The following GIPR variants were observed in gnomAD, a reference collection of about 807,000 sequenced individuals.
GIPR encodes the protein gastric inhibitory polypeptide receptor, also known as GIP-R.
Under a neutral mutation model 62.2 loss-of-function variants are expected in GIPR, and 74 were observed. The ratio of observed to expected loss-of-function variants is 1.19; its 90% CI spans 0.99 to 1.44. The LOEUF (loss-of-function observed/expected upper bound fraction) is 1.44, where lower values mean the gene tolerates loss of function less well. Among genes scored for constraint, GIPR ranks in the 40% most tolerant of loss-of-function variants. The probability of loss-of-function intolerance (pLI) is 0.00; values close to 1 mark genes in which losing one functional copy is unlikely to be tolerated. For missense variants in GIPR, 664 were observed against 611.8 expected (o/e 1.09, Z -0.90); for synonymous variants, 256 against 262.2 (o/e 0.98, Z 0.23).
At position 45,670,753 on chromosome 19, in the gene GIPR, G is replaced by A. The variant is rs1458501159; in HGVS notation, c.172+19G>A. On this transcript the variant is annotated intron_variant, in intron 3 of 13. Transcript: ENST00000590918. Reference sequence around the variant, plus strand: ...CCTTCAGGTGTGACCAGGAGGGCTGGGGACGCGGGGAGGACCTGAGGCTGA... The same window carrying A: ...CCTTCAGGTGTGACCAGGAGGGCTGAGGACGCGGGGAGGACCTGAGGCTGA... 3 of 1,498,820 alleles carry A rather than the reference G, an allele frequency of 2.0e-6. No individual in the cohort carries two copies. The highest frequency in any genetic ancestry group is 1.2e-5 in the South Asian group (1 of 85,940). 92.8% of individuals were successfully genotyped at this position (1,498,820 alleles called of 1,614,324 possible). A position where few individuals can be genotyped will look rare whatever the true frequency, so the allele number is the denominator to read the frequency against.
chr19:45,681,041 A>AC (rs949627919), intron 12 of GIPR, among the ~76,000 whole-genome samples: 2 of 151,900 alleles, frequency 1.3e-5, no homozygotes, highest in African/African-American at 4.8e-5. Flanking sequence ...ACAGTTCTTA[A>AC]CCCCCAGCCA....
Position 45,682,217 on chromosome 19 carries a change from G to T in GIPR, c.*282G>T, listed in dbSNP as rs947961611. On this transcript the variant is annotated 3_prime_UTR_variant, in exon 14 of 14. Transcript: ENST00000590918. Reference sequence around the variant, plus strand: ...CACTTAAGCCATCCCCGAAAGAGGTGAAAGAGATCACTTTGGGGAGAGCTG... The same window carrying T: ...CACTTAAGCCATCCCCGAAAGAGGTTAAAGAGATCACTTTGGGGAGAGCTG... 5 of 464,756 alleles carry T rather than the reference G, an allele frequency of 1.1e-5. No homozygotes were observed. Among genetic ancestry groups the T allele is most frequent in the Non-Finnish European group, 1.9e-5 (5 of 261,676 alleles). 28.8% of individuals were successfully genotyped at this position (464,756 alleles called of 1,614,324 possible).
Position 45,674,762 on chromosome 19 carries a change from G to A in GIPR, c.569G>A (p.Arg190Gln), listed in dbSNP as rs139215588. Residue 190 changes from arginine to glutamine, a missense_variant, in exon 7 of 14, where the codon CGA (arginine) becomes CAA (glutamine). Physicochemically the swap from Arg to Gln is conservative, Grantham distance 43. Coordinates refer to ENST00000590918, the MANE Select transcript of GIPR (RefSeq NM_000164.4). Reference sequence around the variant, plus strand: ...CTGCGAGCTGCGGCCATTCTCAGCCGAGACCGTCTGCTACCTCGACCTGGC... The same window carrying A: ...CTGCGAGCTGCGGCCATTCTCAGCCAAGACCGTCTGCTACCTCGACCTGGC... Reference protein sequence around the residue: ...FMLRAAAILSRDRLLPRPGPY... With the variant: ...FMLRAAAILSQDRLLPRPGPY... The A allele has an allele frequency of 1.0e-3, 1,662 of 1,613,818 alleles. 1 individual carries two copies. The highest frequency in any genetic ancestry group is 1.3e-3 in the Non-Finnish European group (1,511 of 1,179,910).
At chr19:45,670,600 G>A (rs1393832556) in intron 2 of GIPR, 35 bp from the exon 3 acceptor site, 4 of 1,471,076 alleles carry the variant, frequency 2.7e-6, no homozygotes, top group Middle Eastern at 1.7e-4. Flanking sequence ...AGCGGGGGTC[G>A]GTCTGGGGGG....
chr19:45,669,246 G>A (rs907544329), intron 1 of GIPR, among the ~76,000 whole-genome samples: 7 of 152,194 alleles, frequency 4.6e-5, no homozygotes, highest in Admixed American at 6.5e-5. Flanking sequence ...GGGAGGCCGG[G>A]GAATCACTTA....
chr19:45,674,208 G>C (rs754873034), intron 6 of GIPR, 31 bp downstream of exon 6: 1 of 1,390,242 alleles, frequency 7.2e-7, no homozygotes, highest in Non-Finnish European at 1.0e-6. Flanking sequence ...GGTGGCGGCA[G>C]AGATGTGAGC....
At chr19:45,676,086 C>T (rs931413004) in intron 7 of GIPR, among the ~76,000 whole-genome samples, 1 of 151,676 alleles carries the variant, frequency 6.6e-6, no homozygotes, top group Non-Finnish European at 1.5e-5. Context: ...GCCTGTAGTC[C>T]CAGCTACTCA....
At chr19:45,679,205 C>T (rs941998312) in intron 12 of GIPR, among the ~76,000 whole-genome samples, 12 of 152,198 alleles carry the variant, frequency 7.9e-5, no homozygotes, top group Admixed American at 5.9e-4. Flanking sequence ...TACAGCTGGG[C>T]GCAGTGGCTC....
Position 45,672,960 on chromosome 19 carries a change from A to G in GIPR, c.384+6A>G, listed in dbSNP as rs1344104290. 6.6e-7 allele frequency: 1 copy of G among 1,517,152 alleles called. No individual in the cohort carries two copies. Among genetic ancestry groups the G allele is most frequent in the Admixed American group, 1.7e-5 (1 of 59,898 alleles). 94.0% of individuals were successfully genotyped at this position (1,517,152 alleles called of 1,614,324 possible). A position where few individuals can be genotyped will look rare whatever the true frequency, so the allele number is the denominator to read the frequency against. ...AGAAGAATGAGGCCTTTCTGGTAAGAAGAGGTGAGGGCTTCAGGTTAGGAG... is the reference window on the plus strand; with the variant it reads ...AGAAGAATGAGGCCTTTCTGGTAAGGAGAGGTGAGGGCTTCAGGTTAGGAG... On this transcript the variant is annotated splice_donor_region_variant and intron_variant, in intron 5 of 13. Coordinates refer to ENST00000590918, the MANE Select transcript of GIPR (RefSeq NM_000164.4).
Position 45,670,616 on chromosome 19 carries a change from C to G in GIPR, c.73-19C>G. 6.3e-7 allele frequency: 1 copy of G among 1,583,232 alleles called. No individual in the cohort carries two copies. The highest frequency in any genetic ancestry group is 8.7e-7 in the Non-Finnish European group (1 of 1,153,724). ...GCGGGGGTCGGTCTGGGGGGGTCCT[C>G]CCTTCTTTCTTTTCCTAGACAGGCT... On this transcript the variant is annotated intron_variant, in intron 2 of 13. Coordinates refer to ENST00000590918, the MANE Select transcript of GIPR (RefSeq NM_000164.4).
chr19:45,671,062 G>T (rs948205351), intron 3 of GIPR, among the ~76,000 whole-genome samples: 6 of 152,188 alleles, frequency 3.9e-5, no homozygotes, highest in Admixed American at 1.3e-4. Flanking sequence ...GGAGCCCAGA[G>T]TGGGGCCGGG....
rs1403326994 is a variant in GIPR at position 45,681,831 on chromosome 19, T to G, written c.1297T>G (p.Ser433Ala). Residue 433 changes from serine (S) to alanine (A), a missense_variant, in exon 14 of 14, where the codon TCC (serine) becomes GCC (alanine). Coordinates refer to ENST00000590918, the MANE Select transcript of GIPR (RefSeq NM_000164.4). ...LPERAFRALP[S>A]GSGPGEVPTS... The stretch of plus-strand genomic sequence containing the variant: ...GGAGCGCGCCTTCCGGGCCCTGCCC[T>G]CCGGCTCCGGCCCGGGCGAGGTCCC... 5.1e-6 allele frequency: 8 copies of G among 1,555,668 alleles called. No individual in the cohort carries two copies. Among genetic ancestry groups the G allele is most frequent in the Non-Finnish European group, 7.0e-6 (8 of 1,149,370 alleles).
Position 45,677,962 on chromosome 19 carries a change from A to G in GIPR, c.981A>G (p.Thr327=). Residue 327 remains threonine, a synonymous_variant, in exon 11 of 14, where the codon ACA becomes ACG. Coordinates refer to ENST00000590918, the MANE Select transcript of GIPR (RefSeq NM_000164.4). ...ILGILLSKLR[T]RQMRCRDYRL... ...GCATTCTCCTGTCCAAGCTGAGGAC[A>G]CGGCAAATGCGCTGCCGGGATTACC... 1 of 1,614,032 alleles carries G rather than the reference A, an allele frequency of 6.2e-7. No individual in the cohort carries two copies. Among genetic ancestry groups the G allele is most frequent in the African/African-American group, 1.3e-5 (1 of 75,052 alleles).
Position 45,669,957 on chromosome 19 carries a change from G to A in GIPR, c.72+365G>A, listed in dbSNP as rs112328173. ...GAGTGAGACTCTGTCTCGGGGTGGG[G>A]GGGGGAGGCTTCCCTCAGCGCAAAG... On this transcript the variant is annotated intron_variant, in intron 2 of 13. Coordinates refer to ENST00000590918, the MANE Select transcript of GIPR (RefSeq NM_000164.4). 2.7e-5 allele frequency among the ~76,000 whole-genome samples: 4 copies of A among 150,848 alleles called. No individual in the cohort carries two copies. The South Asian group carries it at 6.3e-4, about 24-fold the overall frequency.
chr19:45,670,616 C>T lies in GIPR; in HGVS notation c.73-19C>T. On this transcript the variant is annotated intron_variant, in intron 2 of 13. Coordinates refer to ENST00000590918, the MANE Select transcript of GIPR (RefSeq NM_000164.4). Reference sequence around the variant, plus strand: ...GCGGGGGTCGGTCTGGGGGGGTCCTCCCTTCTTTCTTTTCCTAGACAGGCT... The same window carrying T: ...GCGGGGGTCGGTCTGGGGGGGTCCTTCCTTCTTTCTTTTCCTAGACAGGCT... 6.3e-7 allele frequency: 1 copy of T among 1,583,232 alleles called. No homozygotes were observed. The highest frequency in any genetic ancestry group is 1.1e-5 in the South Asian group (1 of 89,724).
rs773245641 is a variant in GIPR at position 45,677,760 on chromosome 19, C to G, written c.905C>G (p.Pro302Arg). The G allele has an allele frequency of 6.2e-7, 1 of 1,613,392 alleles. No homozygotes were observed. Among genetic ancestry groups the G allele is most frequent in the East Asian group, 2.2e-5 (1 of 44,852 alleles). ...GCCATTTGGTGGATTATACGGACCC[C>G]CATCCTCATGACCATCTTGGTAGGA... ...VKAIWWIIRT[P>R]ILMTILINFL... The change falls in exon 10 of 14, where the codon CCC (proline) becomes CGC (arginine). Residue 302 changes from proline (P) to arginine (R), a missense_variant. Physicochemically the swap from Pro to Arg is moderately radical, Grantham distance 103. Coordinates refer to ENST00000590918, the MANE Select transcript of GIPR (RefSeq NM_000164.4).
At chr19:45,676,636 G>A (rs1019292181) in intron 7 of GIPR, among the ~76,000 whole-genome samples, 83 of 152,076 alleles carry the variant, frequency 5.5e-4, no homozygotes, top group African/African-American at 1.6e-3. Context: ...GTTTCACCAT[G>A]TTGGCCAGGC....
At chr19:45,671,526 C>A (rs1975540099) in intron 4 of GIPR, 134 bp downstream of exon 4, 4 of 685,730 alleles carry the variant, frequency 5.8e-6, no homozygotes, top group South Asian at 1.5e-5. Flanking sequence ...TACTCCTTTC[C>A]GGCAGGCTGG....
chr19:45,676,086 C>G (rs931413004), intron 7 of GIPR, among the ~76,000 whole-genome samples: 3 of 151,676 alleles, frequency 2.0e-5, no homozygotes, highest in East Asian at 1.9e-4. Flanking sequence ...GCCTGTAGTC[C>G]CAGCTACTCA....
Sources: allele counts gnomAD v4.1 joint callset (sites outside exome capture counted in the v4.1 genomes callset), GRCh38; gene constraint gnomAD v4.1.1; transcripts MANE v1.5; gene names NCBI Gene and HGNC (gene_info 2026-07-23, HGNC 2026-07-21).